The following PKP4 variants were observed in gnomAD, a reference collection of about 807,000 sequenced individuals.
The protein encoded by PKP4 is plakophilin 4, also known as plakophilin-4.
In PKP4, 90 loss-of-function variants were observed where a neutral mutation model predicts 145.1. That is an observed-to-expected ratio of 0.62 (90% CI 0.52 to 0.74). The LOEUF (loss-of-function observed/expected upper bound fraction) is 0.74, where lower values mean the gene tolerates loss of function less well. PKP4 is among the 30% of genes least tolerant of loss of function. The probability of loss-of-function intolerance (pLI) is 0.00; values close to 1 mark genes in which losing one functional copy is unlikely to be tolerated. For missense variants in PKP4, 1,340 were observed against 1,482.7 expected, an observed-to-expected ratio of 0.90 and a Z score of 1.58; for synonymous variants, 563 against 577.2, an observed-to-expected ratio of 0.98 and a Z score of 0.35.
chr2:158,526,858 C>G lies in PKP4; in HGVS notation c.-5-6322C>G, dbSNP rs2043000363. On this transcript the variant is annotated intron_variant, in intron 1 of 21. Coordinates refer to ENST00000389759, the MANE Select transcript of PKP4 (RefSeq NM_003628.6). ...CGCCAACAACAGACAAACAGAGAGC[C>G]AAATCATGAGTGAACTCCCATTCAC... Among the ~76,000 whole-genome samples, 2 of 69,524 alleles carry G rather than the reference C, an allele frequency of 2.9e-5. 1 individual carries two copies. Among genetic ancestry groups the G allele is most frequent in the Non-Finnish European group, 5.4e-5 (2 of 36,714 alleles). 45.6% of individuals were successfully genotyped at this position (69,524 alleles called of 152,430 possible).
intron 4 of PKP4, among the ~76,000 whole-genome samples, chr2:158,613,042 G>A (rs1450163971): frequency 1.2e-4 from 18 of 152,086 alleles, no homozygotes; most frequent in African/African-American, 4.3e-4. Context: ...TATAATTGTG[G>A]GTGCCAACAT....
intron 1 of PKP4, among the ~76,000 whole-genome samples, chr2:158,526,156 C>G (rs1220843930): frequency 2.8e-5 from 4 of 141,824 alleles, no homozygotes; most frequent in African/African-American, 1.1e-4. Context: ...CATTCTGATA[C>G]CAAAGCCGGG....
intron 4 of PKP4, among the ~76,000 whole-genome samples, chr2:158,620,568 C>A (rs1260687983): frequency 1.3e-5 from 2 of 152,188 alleles, no homozygotes; most frequent in African/African-American, 4.8e-5. Flanking sequence ...CCTTCAGAGG[C>A]TTCATCACCA....
chr2:158,505,899 T>G (rs2040933260), intron 1 of PKP4, among the ~76,000 whole-genome samples: 1 of 152,146 alleles, frequency 6.6e-6, no homozygotes, highest in Non-Finnish European at 1.5e-5. Context: ...CACCAGCAGA[T>G]CTGGTGAAGA....
intron 1 of PKP4, among the ~76,000 whole-genome samples, chr2:158,478,787 G>A (rs1692903741): frequency 6.6e-6 from 1 of 152,342 alleles, no homozygotes; most frequent in East Asian, 1.9e-4. Flanking sequence ...AGAGAATAAT[G>A]TATGGAGTGC....
At chr2:158,472,880 C>T (rs556010934) in intron 1 of PKP4, among the ~76,000 whole-genome samples, 4 of 152,162 alleles carry the variant, frequency 2.6e-5, no homozygotes, top group East Asian at 3.9e-4. Context: ...AATGGGACAA[C>T]GTACAGAATG....
intron 4 of PKP4, among the ~76,000 whole-genome samples, chr2:158,611,547 C>T (rs953395331): frequency 6.6e-6 from 1 of 152,134 alleles, no homozygotes; most frequent in African/African-American, 2.4e-5. Flanking sequence ...CCATCTGGTG[C>T]AAGTAATTTA....
chr2:158,574,464 G>A, intron 2 of PKP4, among the ~76,000 whole-genome samples: 1 of 152,188 alleles, frequency 6.6e-6, no homozygotes, highest in Admixed American at 6.5e-5. Flanking sequence ...ATTATTAGAT[G>A]TGTTTTCATA....
chr2:158,584,535 G>A lies in PKP4; in HGVS notation c.245+7152G>A, dbSNP rs111435733. 1.5e-3 allele frequency among the ~76,000 whole-genome samples: 227 copies of A among 152,312 alleles called. 1 individual carries two copies. The highest frequency in any genetic ancestry group is 5.3e-3 in the African/African-American group (220 of 41,574). On this transcript the variant is annotated intron_variant, in intron 3 of 21. Coordinates refer to ENST00000389759, the MANE Select transcript of PKP4 (RefSeq NM_003628.6). Reference sequence around the variant, plus strand: ...AGCTTCTTGTGTAGCAAAACTGGAAGGATAGGCCAGGCACAGTGGCTCATG... The same window carrying A: ...AGCTTCTTGTGTAGCAAAACTGGAAAGATAGGCCAGGCACAGTGGCTCATG...
At chr2:158,628,655 T>C (rs902481340) in intron 7 of PKP4, among the ~76,000 whole-genome samples, 2 of 152,244 alleles carry the variant, frequency 1.3e-5, no homozygotes, top group African/African-American at 2.4e-5. Context: ...TATTTCTAAA[T>C]GCAAAAAGCT....
intron 1 of PKP4, among the ~76,000 whole-genome samples, chr2:158,515,794 C>T (rs1254925983): frequency 6.6e-6 from 1 of 152,094 alleles, no homozygotes; most frequent in Non-Finnish European, 1.5e-5. Flanking sequence ...ACCTGTAATC[C>T]TAACACTTTG....
At chr2:158,585,923 T>G (rs2048764261) in intron 3 of PKP4, among the ~76,000 whole-genome samples, 1 of 147,398 alleles carries the variant, frequency 6.8e-6, no homozygotes, top group Non-Finnish European at 1.5e-5. Flanking sequence ...AGCCTCCCCC[T>G]TTTTTCCTTT....
intron 2 of PKP4, among the ~76,000 whole-genome samples, chr2:158,560,346 T>G (rs947250036): frequency 6.6e-6 from 1 of 152,164 alleles, no homozygotes. Flanking sequence ...TCATGAGTGG[T>G]GCTTCAGCCA....
intron 2 of PKP4, among the ~76,000 whole-genome samples, chr2:158,573,161 A>G (rs924019006): frequency 6.6e-6 from 1 of 152,230 alleles, no homozygotes; most frequent in South Asian, 2.1e-4. Context: ...GTGCAATGGA[A>G]TACTATTGGG....
At chr2:158,653,246 G>GT (rs3836170) in intron 11 of PKP4, among the ~76,000 whole-genome samples, 1 of 25,376 alleles carries the variant, frequency 3.9e-5, no homozygotes, top group Non-Finnish European at 1.1e-4. Context: ...CAAATGTTTT[G>GT]TTTTTTTTAA....
rs1196157965 is a variant in PKP4 at position 158,585,965 on chromosome 2, A to G, written c.245+8582A>G. On this transcript the variant is annotated intron_variant, in intron 3 of 21. Coordinates refer to ENST00000389759, the MANE Select transcript of PKP4 (RefSeq NM_003628.6). ...TCCTCAGAGAACCACACTAATCTAC[A>G]CTCTGTATCTATGGATTTGCCTATT... Among the ~76,000 whole-genome samples the G allele has an allele frequency of 2.7e-5, 4 of 149,952 alleles. No individual in the cohort carries two copies. The East Asian group carries it at 7.9e-4, about 29-fold the overall frequency.
Position 158,666,407 on chromosome 2 carries a change from C to T in PKP4, c.2578-6C>T. On this transcript the variant is annotated splice_region_variant and splice_polypyrimidine_tract_variant and intron_variant, in intron 15 of 21. Coordinates refer to ENST00000389759, the MANE Select transcript of PKP4 (RefSeq NM_003628.6). ...ATGTTACTTCCTGCCTTATTTTTCTCACTAGTTTGCAGCATATATCCGGGC... is the reference window on the plus strand; with the variant it reads ...ATGTTACTTCCTGCCTTATTTTTCTTACTAGTTTGCAGCATATATCCGGGC... 1 of 1,576,700 alleles carries T rather than the reference C, an allele frequency of 6.3e-7. No homozygotes were observed.
At position 158,504,076 on chromosome 2, in the gene PKP4, C is replaced by T. The variant is rs376846169; in HGVS notation, c.-5-29104C>T. Among the ~76,000 whole-genome samples the T allele has an allele frequency of 1.5e-3, 225 of 147,014 alleles. 1 individual carries two copies. Among genetic ancestry groups the T allele is most frequent in the African/African-American group, 5.2e-3 (207 of 39,684 alleles). ...AAAATTTAAAGTTCCTTTTTAACTTCCCTTTCTTGTTGTTCTCATAATATT... is the reference window on the plus strand; with the variant it reads ...AAAATTTAAAGTTCCTTTTTAACTTTCCTTTCTTGTTGTTCTCATAATATT... On this transcript the variant is annotated intron_variant, in intron 1 of 21. Coordinates refer to ENST00000389759, the MANE Select transcript of PKP4 (RefSeq NM_003628.6).
chr2:158,530,938 C>A (rs1210393458), intron 1 of PKP4, among the ~76,000 whole-genome samples: 1 of 152,134 alleles, frequency 6.6e-6, no homozygotes, highest in Non-Finnish European at 1.5e-5. Flanking sequence ...TGACCCTCCT[C>A]CTCTTGACTT....
Sources: allele counts gnomAD v4.1 joint callset (sites outside exome capture counted in the v4.1 genomes callset), GRCh38; gene constraint gnomAD v4.1.1; transcripts MANE v1.5; gene names NCBI Gene and HGNC (gene_info 2026-07-23, HGNC 2026-07-21).